Variants in TAC1 observed in about 807,000 individuals in gnomAD.
The protein encoded by TAC1 is tachykinin precursor 1.
In TAC1, 12 loss-of-function variants were observed where a neutral mutation model predicts 21.7. That is an observed-to-expected ratio of 0.55 (90% CI 0.35 to 0.89). TAC1 has a LOEUF of 0.89. Among genes scored for constraint, TAC1 ranks in the 40% least tolerant of loss-of-function variants. The probability of loss-of-function intolerance (pLI) is 0.01; values close to 1 mark genes in which losing one functional copy is unlikely to be tolerated. For missense variants in TAC1, 128 were observed against 151.4 expected (o/e 0.85, Z 0.81); for synonymous variants, 52 against 52.0 (o/e 1.00, Z 0.00).
At position 97,734,063 on chromosome 7, in the gene TAC1, A is replaced by G. The variant is rs1383941613; in HGVS notation, c.221-185A>G. ...AGCGCTCCCTTGACTAAAGATCCAAACTGACAAAGGGAAGGCACGGGCCTC... is the reference window on the plus strand; with the variant it reads ...AGCGCTCCCTTGACTAAAGATCCAAGCTGACAAAGGGAAGGCACGGGCCTC... On this transcript the variant is annotated intron_variant, in intron 3 of 6. Transcript: ENST00000319273. 5.8e-6 allele frequency: 4 copies of G among 690,448 alleles called. No homozygotes were observed. In the Admixed American group the frequency reaches 1.1e-4, roughly 19 times the overall value. 42.8% of individuals were successfully genotyped at this position (690,448 alleles called of 1,614,324 possible). A position where few individuals can be genotyped will look rare whatever the true frequency, so the allele number is the denominator to read the frequency against.
chr7:97,739,994 A>G lies in TAC1; in HGVS notation c.*74A>G. The G allele has an allele frequency of 3.0e-6, 3 of 989,112 alleles. No homozygotes were observed. Among genetic ancestry groups the G allele is most frequent in the East Asian group, 2.6e-5 (1 of 38,186 alleles). 61.3% of individuals were successfully genotyped at this position (989,112 alleles called of 1,614,324 possible). On this transcript the variant is annotated 3_prime_UTR_variant, in exon 7 of 7. Transcript: ENST00000319273. ...TGACAGGTAAATTAAGACATGCACTATGAGGAATAATTATTTATTTAATAA... is the reference window on the plus strand; with the variant it reads ...TGACAGGTAAATTAAGACATGCACTGTGAGGAATAATTATTTATTTAATAA...
At chr7:97,735,235 C>T (rs1018374065) in intron 5 of TAC1, among the ~76,000 whole-genome samples, 2 of 152,016 alleles carry the variant, frequency 1.3e-5, no homozygotes, top group African/African-American at 4.8e-5. Context: ...ATAGGCATCT[C>T]CTAACTCATT....
chr7:97,733,779 G>A lies in TAC1; in HGVS notation c.180G>A (p.Lys60=). The change falls in exon 3 of 7, where the codon AAG becomes AAA. Residue 60 remains lysine (K), a synonymous_variant. Transcript: ENST00000319273. ...TGCAGAGAATCGCCCGGAGACCCAA[G>A]CCTCAGCAGTTCTTTGGATTAATGG... ...HLLQRIARRP[K]PQQFFGLMGK... 1.9e-6 allele frequency: 3 copies of A among 1,614,172 alleles called. No homozygotes were observed. The highest frequency in any genetic ancestry group is 2.5e-6 in the Non-Finnish European group (3 of 1,180,034).
chr7:97,736,135 A>T (rs1789570256), intron 5 of TAC1, among the ~76,000 whole-genome samples, 164 bp from the exon 6 acceptor site: 1 of 152,106 alleles, frequency 6.6e-6, no homozygotes, highest in South Asian at 2.1e-4. Flanking sequence ...AGTGTAATTT[A>T]TAAAACTTTT....
intron 4 of TAC1, 44 bp downstream of exon 4, chr7:97,734,336 A>G (rs765954362): frequency 1.1e-5 from 17 of 1,550,136 alleles, no homozygotes; most frequent in Middle Eastern, 3.4e-4. Context: ...GTGAAAGCAC[A>G]TGTAGGAAAG....
chr7:97,733,826 T>TA lies in TAC1; in HGVS notation c.220+8dup, dbSNP rs1789496367. On this transcript the variant is annotated splice_region_variant and intron_variant, in intron 3 of 6. Coordinates refer to ENST00000319273, the MANE Select transcript of TAC1 (RefSeq NM_003182.3). ...ATGGGCAAACGGGATGCTGGTGAGA[T>TA]AGGCGACCGTCCCTAGGTGTCTTGG... The TA allele has an allele frequency of 6.2e-7, 1 of 1,613,890 alleles. No homozygotes were observed. Among genetic ancestry groups the TA allele is most frequent in the African/African-American group, 1.3e-5 (1 of 74,930 alleles).
At chr7:97,734,044 C>T (rs1789503683) in intron 3 of TAC1, 2 of 677,332 alleles carry the variant, frequency 3.0e-6, no homozygotes, top group African/African-American at 3.6e-5. Flanking sequence ...GTGAAGCGCT[C>T]CCTTGACTAA....
chr7:97,733,559 C>A (rs1012615054), intron 2 of TAC1, among the ~76,000 whole-genome samples, 164 bp from the exon 3 acceptor site: 1 of 151,450 alleles, frequency 6.6e-6, no homozygotes, highest in Admixed American at 6.6e-5. Flanking sequence ...CGGGGAGGGG[C>A]GCAGAGAGGC....
intron 6 of TAC1, among the ~76,000 whole-genome samples, chr7:97,738,874 A>G (rs750149112): frequency 3.9e-5 from 6 of 151,942 alleles, no homozygotes; most frequent in Non-Finnish European, 7.4e-5. Context: ...TAGTTCCACT[A>G]TACCATACGT....
At chr7:97,733,892 A>C in intron 3 of TAC1, 73 bp downstream of exon 3, 1 of 1,419,486 alleles carries the variant, frequency 7.0e-7, no homozygotes, top group Non-Finnish European at 9.9e-7. Context: ...GGAGTACCCC[A>C]GGGTCTCTCG....
chr7:97,737,472 G>A lies in TAC1; in HGVS notation c.343+1120G>A, dbSNP rs550825636. Among the ~76,000 whole-genome samples the A allele has an allele frequency of 2.0e-5, 3 of 151,818 alleles. No homozygotes were observed. The South Asian group carries it at 6.2e-4, about 32-fold the overall frequency. ...GGTACATTAAATAAAACCACTTTCTGTGGGGCAAAAATCAAAACGCGCAAT... is the reference window on the plus strand; with the variant it reads ...GGTACATTAAATAAAACCACTTTCTATGGGGCAAAAATCAAAACGCGCAAT... On this transcript the variant is annotated intron_variant, in intron 6 of 6. Transcript: ENST00000319273.
intron 4 of TAC1, 66 bp downstream of exon 4, chr7:97,734,358 C>A: frequency 1.4e-6 from 2 of 1,392,350 alleles, no homozygotes; most frequent in South Asian, 2.4e-5. Context: ...GAAATAAAAT[C>A]TTTTATGGGC....
chr7:97,738,997 A>AAATATAATATAATATAATAT (rs573282115), intron 6 of TAC1, among the ~76,000 whole-genome samples: 2,169 of 148,428 alleles, frequency 0.015, 33 homozygotes, highest in African/African-American at 0.037. Flanking sequence ...TATATATAAT[A>AAATATAATATAATATAATAT]AATATAATAT....
intron 6 of TAC1, among the ~76,000 whole-genome samples, chr7:97,737,395 C>T (rs1380718618): frequency 6.6e-6 from 1 of 151,838 alleles, no homozygotes; most frequent in East Asian, 1.9e-4. Flanking sequence ...AAATAATTAT[C>T]CTAGTGTTTT....
chr7:97,733,722 G>A lies in TAC1; in HGVS notation c.124-1G>A. 6.2e-7 allele frequency: 1 copy of A among 1,613,978 alleles called. No individual in the cohort carries two copies. The highest frequency in any genetic ancestry group is 2.2e-5 in the East Asian group (1 of 44,818). ...CCTTTGTCCGTGCTTTTGTCTCCCAGGAGGAACTGCCGGAGCCCTTTGAGC... is the reference window on the plus strand; with the variant it reads ...CCTTTGTCCGTGCTTTTGTCTCCCAAGAGGAACTGCCGGAGCCCTTTGAGC... On this transcript the variant is annotated splice_acceptor_variant, in intron 2 of 6. Coordinates refer to ENST00000319273, the MANE Select transcript of TAC1 (RefSeq NM_003182.3). LOFTEE classifies it high-confidence loss of function.
chr7:97,737,932 T>C lies in TAC1; in HGVS notation c.343+1580T>C, dbSNP rs186665180. Among the ~76,000 whole-genome samples the C allele has an allele frequency of 1.1e-4, 17 of 152,110 alleles. No individual in the cohort carries two copies. The East Asian group carries it at 2.3e-3, about 21-fold the overall frequency. On this transcript the variant is annotated intron_variant, in intron 6 of 6. Transcript: ENST00000319273. ...AGTCATCAACTTTCCATTTCCAGAA[T>C]TGATATAGGTTTCAGAACATGCTTA...
intron 4 of TAC1, 132 bp downstream of exon 4, chr7:97,734,424 T>A (rs1789512997): frequency 2.8e-6 from 2 of 704,740 alleles, no homozygotes; most frequent in Non-Finnish European, 4.8e-6. Context: ...TTGCGCACTC[T>A]CTCTCGGTTT....
At chr7:97,734,083 G>T (rs1339112402) in intron 3 of TAC1, 165 bp from the exon 4 acceptor site, 1 of 714,744 alleles carries the variant, frequency 1.4e-6, no homozygotes, top group Non-Finnish European at 2.3e-6. Context: ...GGAAGGCACG[G>T]GCCTCCAGGG....
chr7:97,738,433 A>G (rs577207059), intron 6 of TAC1, among the ~76,000 whole-genome samples: 6 of 152,030 alleles, frequency 3.9e-5, no homozygotes, highest in Non-Finnish European at 7.4e-5. Flanking sequence ...GTTGGTTTAC[A>G]TTAGCTTTCA....
Sources: allele counts gnomAD v4.1 joint callset (sites outside exome capture counted in the v4.1 genomes callset), GRCh38; gene constraint gnomAD v4.1.1; transcripts MANE v1.5; gene names NCBI Gene and HGNC (gene_info 2026-07-23, HGNC 2026-07-21).